The following LGR4 variants were observed in gnomAD, a reference collection of about 807,000 sequenced individuals.
LGR4 encodes the protein leucine rich repeat containing G protein-coupled receptor 4, also known as leucine-rich repeat-containing G protein-coupled receptor 4.
Under a neutral mutation model 84.8 loss-of-function variants are expected in LGR4, and 44 were observed. That is an observed-to-expected ratio of 0.52 (90% CI 0.41 to 0.67). LGR4 has a LOEUF of 0.67. Among genes scored for constraint, LGR4 ranks in the 30% least tolerant of loss-of-function variants. LGR4 has a pLI of 0.00. For missense variants in LGR4, 1,032 were observed against 1,131.4 expected, an observed-to-expected ratio of 0.91 and a Z score of 1.26; for synonymous variants, 429 against 434.3, an observed-to-expected ratio of 0.99 and a Z score of 0.15.
intron 1 of LGR4, among the ~76,000 whole-genome samples, chr11:27,464,825 T>C (rs1315146400): frequency 6.6e-6 from 1 of 152,120 alleles, no homozygotes; most frequent in Non-Finnish European, 1.5e-5. Context: ...ATACCAAAAG[T>C]ACTTTGCTGC....
chr11:27,438,906 T>C (rs1864254767), intron 1 of LGR4, among the ~76,000 whole-genome samples: 1 of 152,176 alleles, frequency 6.6e-6, no homozygotes, highest in African/African-American at 2.4e-5. Context: ...CCTGAGCCAA[T>C]TCCTTTTAAT....
At position 27,380,794 on chromosome 11, in the gene LGR4, A is replaced by G; in HGVS notation, c.831-83T>C. ...AACTCTATGTTCACAATGTACATAT[A>G]TCTAAAATCCTGACTTCTCATTCTT... On this transcript the variant is annotated intron_variant, in intron 8 of 17. Coordinates refer to ENST00000379214, the MANE Select transcript of LGR4 (RefSeq NM_018490.5). 5 of 1,195,914 alleles carry G rather than the reference A, an allele frequency of 4.2e-6. No individual in the cohort carries two copies. In the Admixed American group the frequency reaches 7.0e-5, roughly 17 times the overall value. The allele number at this position is 1,195,914 out of a possible 1,614,324, so 74.1% of individuals were successfully genotyped here.
intron 13 of LGR4, among the ~76,000 whole-genome samples, chr11:27,375,942 G>A (rs1205899909): frequency 6.6e-6 from 1 of 151,250 alleles, no homozygotes; most frequent in Middle Eastern, 3.2e-3. Flanking sequence ...TTTAGGTAAA[G>A]TCTAAAAATA....
At chr11:27,377,077 A>G in intron 12 of LGR4, 81 bp downstream of exon 12, 1 of 757,494 alleles carries the variant, frequency 1.3e-6, no homozygotes, top group Non-Finnish European at 2.2e-6. Flanking sequence ...CTTACTATTA[A>G]AGCCATCTAT....
intron 10 of LGR4, chr11:27,379,292 T>G (rs1863046156): frequency 6.4e-6 from 1 of 157,416 alleles, no homozygotes; most frequent in African/African-American, 2.4e-5. Context: ...CAGAGAGGGA[T>G]AGAGGACTCT....
chr11:27,386,182 T>C (rs1487720611), intron 4 of LGR4, among the ~76,000 whole-genome samples: 1 of 152,190 alleles, frequency 6.6e-6, no homozygotes, highest in Non-Finnish European at 1.5e-5. Flanking sequence ...TAAAGGTTCT[T>C]CAATTTTTCC....
intron 2 of LGR4, among the ~76,000 whole-genome samples, chr11:27,409,402 A>T (rs1316881558): frequency 6.6e-6 from 1 of 152,080 alleles, no homozygotes; most frequent in Non-Finnish European, 1.5e-5. Flanking sequence ...TTCCTTACAG[A>T]GTTATGGGAA....
rs539748124 is a variant in LGR4 at position 27,445,565 on chromosome 11, G to A, written c.185+26553C>T. Among the ~76,000 whole-genome samples the A allele has an allele frequency of 1.8e-4, 28 of 151,818 alleles. No individual in the cohort carries two copies. In the South Asian group the frequency reaches 5.4e-3, roughly 29 times the overall value. ...TTCATATTGTCCCTCCTCCCCCAAC[G>A]AATACAGCAGCACACTTAGAAGTAC... On this transcript the variant is annotated intron_variant, in intron 1 of 17. Transcript: ENST00000379214.
chr11:27,383,689 T>A (rs1863140219), intron 6 of LGR4, among the ~76,000 whole-genome samples: 1 of 152,212 alleles, frequency 6.6e-6, no homozygotes, highest in African/African-American at 2.4e-5. Context: ...CTGAATCATT[T>A]ACTCATCACA....
At chr11:27,414,218 GTCT>G (rs1298874272) in intron 1 of LGR4, among the ~76,000 whole-genome samples, 3 of 152,034 alleles carry the variant, frequency 2.0e-5, no homozygotes, top group Admixed American at 6.6e-5. Flanking sequence ...CAAACGATGA[GTCT>G]TCTTAAGTAT....
chr11:27,428,988 G>A (rs1864071061), intron 1 of LGR4, among the ~76,000 whole-genome samples: 1 of 152,152 alleles, frequency 6.6e-6, no homozygotes, highest in Admixed American at 6.5e-5. Flanking sequence ...TGTTGGATCT[G>A]TTGGGTCATG....
chr11:27,402,593 C>T (rs553360611), intron 2 of LGR4, among the ~76,000 whole-genome samples: 4 of 152,282 alleles, frequency 2.6e-5, no homozygotes, highest in Non-Finnish European at 5.9e-5. Context: ...GATAACTACT[C>T]TTCTTTTCTT....
intron 2 of LGR4, among the ~76,000 whole-genome samples, chr11:27,411,351 A>T (rs970391295): frequency 6.6e-6 from 1 of 152,030 alleles, no homozygotes; most frequent in East Asian, 1.9e-4. Context: ...CTTAATTAAA[A>T]ATAACTTTAT....
chr11:27,401,320 C>T (rs1034480616), intron 2 of LGR4, among the ~76,000 whole-genome samples: 1 of 152,144 alleles, frequency 6.6e-6, no homozygotes, highest in Non-Finnish European at 1.5e-5. Flanking sequence ...CTTTAAGTTC[C>T]ACCTGCACCG....
At chr11:27,397,580 C>T (rs534515123) in intron 2 of LGR4, among the ~76,000 whole-genome samples, 1 of 152,284 alleles carries the variant, frequency 6.6e-6, no homozygotes, top group East Asian at 1.9e-4. Flanking sequence ...TTTTCTGCAA[C>T]TTTTCTTATT....
In LGR4 at chr11:27,391,166, C is replaced by G; in HGVS notation, c.330-1G>C. 6.3e-7 allele frequency: 1 copy of G among 1,582,938 alleles called. No homozygotes were observed. The highest frequency in any genetic ancestry group is 8.6e-7 in the Non-Finnish European group (1 of 1,164,900). ...TTTCAACTGATTATTCTGGAGCGTT[C>G]TGAAAGAAAATTTTTGGTTAGTGAG... On this transcript the variant is annotated splice_acceptor_variant, in intron 3 of 17. Coordinates refer to ENST00000379214, the MANE Select transcript of LGR4 (RefSeq NM_018490.5). LOFTEE classifies it high-confidence loss of function.
intron 2 of LGR4, among the ~76,000 whole-genome samples, chr11:27,403,273 C>T (rs948284398): frequency 6.6e-6 from 1 of 152,122 alleles, no homozygotes. Flanking sequence ...GAGTTAGAGA[C>T]CAGCCAGGGC....
chr11:27,441,056 A>C (rs1680176035), intron 1 of LGR4, among the ~76,000 whole-genome samples: 1 of 152,196 alleles, frequency 6.6e-6, no homozygotes, highest in African/African-American at 2.4e-5. Flanking sequence ...CCCCTTTTAC[A>C]AATGGGGAAA....
intron 2 of LGR4, among the ~76,000 whole-genome samples, chr11:27,408,406 C>A (rs966566485): frequency 6.6e-5 from 10 of 152,134 alleles, no homozygotes; most frequent in Middle Eastern, 3.2e-3. Flanking sequence ...GTGCATTAAA[C>A]AATAACTGTC....
Sources: gnomAD v4.1 joint callset for allele counts (sites outside exome capture counted in the v4.1 genomes callset) on GRCh38, gnomAD v4.1.1 for gene constraint, MANE v1.5 for transcripts, NCBI Gene and HGNC (gene_info 2026-07-23, HGNC 2026-07-21) for gene names.